The following PARP8 variants were observed in gnomAD, a reference collection of about 807,000 sequenced individuals.
PARP8 encodes poly(ADP-ribose) polymerase family member 8, also known as protein mono-ADP-ribosyltransferase PARP8.
In PARP8, 51 loss-of-function variants were observed where a neutral mutation model predicts 124.1. The observed-to-expected ratio is 0.41, with a 90% CI of 0.33 to 0.52. The LOEUF is 0.52. Ranked by LOEUF, PARP8 falls within the 20% of genes least tolerant of loss-of-function variation. PARP8 has a pLI of 0.21. For synonymous variants in PARP8, 391 were observed against 361.5 expected (o/e 1.08, Z -0.93); for missense variants, 860 against 1,018.9 (o/e 0.84, Z 2.12).
chr5:50,796,368 A>G (rs1447623440), intron 12 of PARP8, among the ~76,000 whole-genome samples: 1 of 152,198 alleles, frequency 6.6e-6, no homozygotes, highest in Non-Finnish European at 1.5e-5. Context: ...AAAGTTGAGT[A>G]TGTTGACAAT....
At chr5:50,671,076 G>C (rs1453011438) in intron 2 of PARP8, among the ~76,000 whole-genome samples, 1 of 152,122 alleles carries the variant, frequency 6.6e-6, no homozygotes, top group East Asian at 1.9e-4. Flanking sequence ...TTATTTGAGA[G>C]GTGTGCTAAG....
At chr5:50,701,677 A>G (rs1753608541) in intron 2 of PARP8, among the ~76,000 whole-genome samples, 1 of 152,128 alleles carries the variant, frequency 6.6e-6, no homozygotes, top group Non-Finnish European at 1.5e-5. Context: ...GGCCATTTAA[A>G]TAATGTGTTG....
At chr5:50,823,697 A>G (rs1746025555) in intron 17 of PARP8, among the ~76,000 whole-genome samples, 1 of 152,250 alleles carries the variant, frequency 6.6e-6, no homozygotes, top group African/African-American at 2.4e-5. Context: ...TTTTGGATTT[A>G]AAAATAGCTA....
At chr5:50,750,671 C>A (rs1003350917) in intron 3 of PARP8, among the ~76,000 whole-genome samples, 1 of 151,954 alleles carries the variant, frequency 6.6e-6, no homozygotes, top group Non-Finnish European at 1.5e-5. Flanking sequence ...GTATTTTCTG[C>A]GGCAGTTTGC....
intron 2 of PARP8, among the ~76,000 whole-genome samples, chr5:50,717,761 G>A (rs1755472198): frequency 6.6e-6 from 1 of 151,870 alleles, no homozygotes; most frequent in Non-Finnish European, 1.5e-5. Context: ...ATGAATCTTT[G>A]CACATGAGGT....
At chr5:50,720,732 T>C (rs907084841) in intron 2 of PARP8, among the ~76,000 whole-genome samples, 207 of 29,052 alleles carry the variant, frequency 7.1e-3, no homozygotes, top group Non-Finnish European at 8.7e-3. Flanking sequence ...CAACTAGTAG[T>C]AACTGCCATA....
At chr5:50,727,131 A>G (rs548476295) in intron 2 of PARP8, among the ~76,000 whole-genome samples, 57 of 152,248 alleles carry the variant, frequency 3.7e-4, no homozygotes, top group African/African-American at 7.7e-4. Flanking sequence ...AGCTCTGATA[A>G]TAGTTTTTGG....
intron 2 of PARP8, among the ~76,000 whole-genome samples, chr5:50,734,125 G>T (rs555671341): frequency 6.6e-6 from 1 of 152,094 alleles, no homozygotes; most frequent in African/African-American, 2.4e-5. Context: ...TGATAAAAAG[G>T]CTTTTAACAT....
chr5:50,727,934 T>C (rs944317251), intron 2 of PARP8, among the ~76,000 whole-genome samples: 5 of 152,208 alleles, frequency 3.3e-5, no homozygotes, highest in Admixed American at 2.6e-4. Context: ...CTTGCTGGAC[T>C]AGAAACTTCT....
chr5:50,742,377 A>T (rs1177627152), intron 2 of PARP8, among the ~76,000 whole-genome samples: 1 of 152,188 alleles, frequency 6.6e-6, no homozygotes, highest in Non-Finnish European at 1.5e-5. Flanking sequence ...CAAAGCCCCA[A>T]ATGGAGTGTG....
chr5:50,693,593 A>G (rs894924870), intron 2 of PARP8, among the ~76,000 whole-genome samples: 15 of 152,046 alleles, frequency 9.9e-5, no homozygotes, highest in African/African-American at 3.4e-4. Context: ...AAAACTGCCT[A>G]TAATTTAAGC....
At chr5:50,827,905 G>A in intron 19 of PARP8, 39 bp from the exon 20 acceptor site, 1 of 1,409,942 alleles carries the variant, frequency 7.1e-7, no homozygotes, top group Non-Finnish European at 1.0e-6. Flanking sequence ...TATATGTTAA[G>A]TTTTACATGT....
chr5:50,751,634 G>A (rs891066595), intron 3 of PARP8, among the ~76,000 whole-genome samples: 1 of 152,050 alleles, frequency 6.6e-6, no homozygotes, highest in Non-Finnish European at 1.5e-5. Context: ...GATTCTCAAT[G>A]CCGGTCTGTA....
In PARP8 at chr5:50,750,172, A is replaced by G; in HGVS notation, c.168A>G (p.Val56=). 2.5e-6 allele frequency: 4 copies of G among 1,591,890 alleles called. No individual in the cohort carries two copies. The highest frequency in any genetic ancestry group is 3.4e-6 in the Non-Finnish European group (4 of 1,160,976). The part of the protein sequence containing the change: ...GPRSVSYSVH[V]SEDYPDNTYV... ...ACAGTGTATCCTACTCAGTACATGTATCTGAAGATTACCCAGGTATGCTTT... is the reference window on the plus strand; with the variant it reads ...ACAGTGTATCCTACTCAGTACATGTGTCTGAAGATTACCCAGGTATGCTTT... Residue 56 remains valine (V), a synonymous_variant, in exon 3 of 26, where the codon GTA becomes GTG. Coordinates refer to ENST00000281631, the MANE Select transcript of PARP8 (RefSeq NM_024615.4).
chr5:50,688,675 A>T (rs1000083524), intron 2 of PARP8, among the ~76,000 whole-genome samples: 7 of 152,224 alleles, frequency 4.6e-5, no homozygotes, highest in African/African-American at 1.7e-4. Flanking sequence ...ATAGGAAGTA[A>T]TTATGAAAGT....
At chr5:50,758,491 A>G (rs1296488879) in intron 3 of PARP8, among the ~76,000 whole-genome samples, 1 of 152,174 alleles carries the variant, frequency 6.6e-6, no homozygotes, top group Non-Finnish European at 1.5e-5. Context: ...AATGACTTAG[A>G]GATGTATTAA....
chr5:50,695,184 G>A (rs1271465588), intron 2 of PARP8, among the ~76,000 whole-genome samples: 1 of 152,124 alleles, frequency 6.6e-6, no homozygotes, highest in East Asian at 1.9e-4. Context: ...CATCATACTG[G>A]CTATGTAGAA....
rs79628768 is a variant in PARP8 at position 50,822,266 on chromosome 5, A to G, written c.1795-69A>G. 3.8e-3 allele frequency: 3,844 copies of G among 1,016,320 alleles called. 98 individuals carry two copies. In the African/African-American group the frequency reaches 0.056, roughly 15 times the overall value. 63.0% of individuals were successfully genotyped at this position (1,016,320 alleles called of 1,614,324 possible). On this transcript the variant is annotated intron_variant, in intron 16 of 25. Transcript: ENST00000281631. The stretch of plus-strand genomic sequence containing the variant: ...ACATATGGAAATAATATATTTCTCT[A>G]GTGATATACAGACTTGCAAGAGCTT...
intron 2 of PARP8, among the ~76,000 whole-genome samples, chr5:50,709,922 G>GTATATATATATA (rs200521595): frequency 2.1e-5 from 2 of 93,928 alleles, no homozygotes; most frequent in African/African-American, 8.1e-5. Context: ...TAGAAAGAGT[G>GTATATATATATA]TATATATATA....
Sources: allele counts gnomAD v4.1 joint callset (sites outside exome capture counted in the v4.1 genomes callset), GRCh38; gene constraint gnomAD v4.1.1; transcripts MANE v1.5; gene names NCBI Gene and HGNC (gene_info 2026-07-23, HGNC 2026-07-21).